Variants in DICER1 observed in about 807,000 individuals in gnomAD.
The protein encoded by DICER1 is endoribonuclease Dicer.
DICER1 carries 43 observed loss-of-function variants against 194.1 expected under a neutral mutation model. That is an observed-to-expected ratio of 0.22 (90% CI 0.17 to 0.29). The LOEUF (loss-of-function observed/expected upper bound fraction) is 0.29, where lower values mean the gene tolerates loss of function less well. Ranked by LOEUF, DICER1 falls within the 10% of genes least tolerant of loss-of-function variation. The probability of loss-of-function intolerance (pLI) is 1.00; values close to 1 mark genes in which losing one functional copy is unlikely to be tolerated. For missense variants in DICER1, 1,608 were observed against 2,317.0 expected, an observed-to-expected ratio of 0.69 and a Z score of 6.28; for synonymous variants, 832 against 820.5, an observed-to-expected ratio of 1.01 and a Z score of -0.24.
At chr14:95,104,944 T>C in intron 20 of DICER1, 127 bp downstream of exon 20, 4 of 915,890 alleles carry the variant, frequency 4.4e-6, no homozygotes, top group Non-Finnish European at 6.9e-6. Flanking sequence ...TGACAAGACA[T>C]AAGATATCCA....
rs1891356787 is a variant in DICER1, at chr14:95,105,712, C to T, written c.3059G>A (p.Arg1020Lys). Residue 1020 changes from arginine (R) to lysine (K), a missense_variant, in exon 19 of 27, where the codon AGG becomes AAG. Physicochemically the swap from Arg to Lys is conservative, Grantham distance 26 (BLOSUM62 2). This residue lies in a region of DICER1 where 79 missense variants were observed against 176.1 expected (regional missense o/e 0.45). Coordinates refer to ENST00000343455, the MANE Select transcript of DICER1 (RefSeq NM_177438.3). The surrounding 1 kb of genome is among the most constrained non-coding windows in gnomAD (Gnocchi z 4.9). ...KALPLSSAEK[R>K]KAKWESLQNK... The stretch of plus-strand genomic sequence containing the variant: ...CTGCAGACTTTCCCATTTGGCTTTC[C>T]TCTTCTCAGCACTGCTTAAAGGAAG... 6.2e-7 allele frequency: 1 copy of T among 1,614,122 alleles called. No homozygotes were observed. The highest frequency in any genetic ancestry group is 8.5e-7 in the Non-Finnish European group (1 of 1,179,960).
intron 3 of DICER1, among the ~76,000 whole-genome samples, chr14:95,132,301 A>G (rs1181287964): frequency 6.6e-6 from 1 of 152,248 alleles, no homozygotes; most frequent in Non-Finnish European, 1.5e-5. Context: ...ATGTTCCAAA[A>G]GCAATCCATT....
At chr14:95,118,398 T>C (rs924062581) in intron 8 of DICER1, among the ~76,000 whole-genome samples, 1 of 152,192 alleles carries the variant, frequency 6.6e-6, no homozygotes, top group African/African-American at 2.4e-5. Context: ...GATGCTTTCT[T>C]GTCCCCAGGC....
Position 95,143,365 on chromosome 14 carries a change from C to A in DICER1, c.-45-9862G>T, listed in dbSNP as rs545429375. Among the ~76,000 whole-genome samples, 70 of 152,188 alleles carry A rather than the reference C, an allele frequency of 4.6e-4. 1 individual carries two copies. Among genetic ancestry groups the A allele is most frequent in the Middle Eastern group, 3.4e-3 (1 of 292 alleles). On this transcript the variant is annotated intron_variant, in intron 1 of 26. Coordinates refer to ENST00000343455, the MANE Select transcript of DICER1 (RefSeq NM_177438.3). ...CTGCTGAAAATAAAAGGGAAGAGGT[C>A]CCTTTCCCCTTTTCTTTTCCAGATT...
chr14:95,104,181 G>A, intron 20 of DICER1, 55 bp from the exon 21 acceptor site: 2 of 1,397,904 alleles, frequency 1.4e-6, no homozygotes, highest in Admixed American at 1.8e-5. Flanking sequence ...GCTAGGCTGA[G>A]AGCAACAGCA....
In DICER1 at chr14:95,105,942, C is replaced by T. The variant is rs1383213157; in HGVS notation, c.2987+99G>A. ...AAAGCATCTCCTGATTTCAGATAGTCCACGGGTGGGCAGGGGGACAGTGAA... is the reference window on the plus strand; with the variant it reads ...AAAGCATCTCCTGATTTCAGATAGTTCACGGGTGGGCAGGGGGACAGTGAA... On this transcript the variant is annotated intron_variant, in intron 18 of 26. Coordinates refer to ENST00000343455, the MANE Select transcript of DICER1 (RefSeq NM_177438.3). This position sits in a 1 kb window ranked among gnomAD's most constrained non-coding sequence, Gnocchi z 4.9. 2 of 1,456,230 alleles carry T rather than the reference C, an allele frequency of 1.4e-6. No homozygotes were observed. The highest frequency in any genetic ancestry group is 9.6e-7 in the Non-Finnish European group (1 of 1,037,110). The allele number at this position is 1,456,230 out of a possible 1,614,324, so 90.2% of individuals were successfully genotyped here. A position where few individuals can be genotyped will look rare whatever the true frequency, so the allele number is the denominator to read the frequency against.
At position 95,104,072 on chromosome 14, in the gene DICER1, G is replaced by A. The variant is rs765205680; in HGVS notation, c.3324C>T (p.Ile1108=). 3.7e-6 allele frequency: 6 copies of A among 1,613,958 alleles called. No individual in the cohort carries two copies. The African/African-American group carries it at 4.0e-5, about 11-fold the overall frequency. Residue 1108 remains isoleucine, a synonymous_variant, in exon 21 of 27, where the codon ATC becomes ATT. Coordinates refer to ENST00000343455, the MANE Select transcript of DICER1 (RefSeq NM_177438.3). ...WKKSIDSKSF[I]SISNSSSAEN... is the part of the protein sequence containing the mutation. ...CAGCTGAAGAGGAGTTAGAAATTGA[G>A]ATGAAAGATTTGCTGTCAATAGATT...
chr14:95,104,069 T>C lies in DICER1; in HGVS notation c.3327A>G (p.Ser1109=). 1 of 1,614,036 alleles carries C rather than the reference T, an allele frequency of 6.2e-7. No individual in the cohort carries two copies. The highest frequency in any genetic ancestry group is 8.5e-7 in the Non-Finnish European group (1 of 1,179,996). The change falls in exon 21 of 27, where the codon TCA becomes TCG. Residue 1109 remains serine (S), a synonymous_variant. Coordinates refer to ENST00000343455, the MANE Select transcript of DICER1 (RefSeq NM_177438.3). ...KKSIDSKSFI[S]ISNSSSAEND... ...TTTCAGCTGAAGAGGAGTTAGAAAT[T>C]GAGATGAAAGATTTGCTGTCAATAG...
rs35463377 is a variant in DICER1 at position 95,089,049 on chromosome 14, C to CAAA, written c.*1446_*1448dup. 5 of 211,738 alleles carry CAAA rather than the reference C, an allele frequency of 2.4e-5. No individual in the cohort carries two copies. Among genetic ancestry groups the CAAA allele is most frequent in the Non-Finnish European group, 3.7e-5 (4 of 109,106 alleles). 13.1% of individuals were successfully genotyped at this position (211,738 alleles called of 1,614,324 possible). The stretch of plus-strand genomic sequence containing the variant: ...ATTAAGAGGTATTATAGTTACAGTG[C>CAAA]AAAAAAAAAAAAATTAAAATTTCAA... On this transcript the variant is annotated 3_prime_UTR_variant, in exon 27 of 27. Coordinates refer to ENST00000343455, the MANE Select transcript of DICER1 (RefSeq NM_177438.3).
chr14:95,099,675 A>G (rs1890677307), intron 22 of DICER1, 105 bp downstream of exon 22: 6 of 1,426,554 alleles, frequency 4.2e-6, no homozygotes, highest in Non-Finnish European at 4.6e-6. Context: ...AAGAAAATGA[A>G]ACAAAAAATT....
chr14:95,104,199 T>A, intron 20 of DICER1, 73 bp from the exon 21 acceptor site: 1 of 1,292,634 alleles, frequency 7.7e-7, no homozygotes, highest in African/African-American at 1.5e-5. Flanking sequence ...GCAATTTGAA[T>A]TTAAAAACAA....
intron 26 of DICER1, 39 bp from the exon 27 acceptor site, chr14:95,090,702 G>T: frequency 6.2e-7 from 1 of 1,610,188 alleles, no homozygotes; most frequent in Non-Finnish European, 8.5e-7. Flanking sequence ...GAAGTCAGAA[G>T]TATTTATTAT....
rs72550780 is a variant in DICER1, at chr14:95,112,329, C to T, written c.2041-82G>A. ...ACATGAAACACCTATGAAACCACTG[C>T]CCCAACATTTTTAAAGTTCAATTTA... On this transcript the variant is annotated intron_variant, in intron 12 of 26. Coordinates refer to ENST00000343455, the MANE Select transcript of DICER1 (RefSeq NM_177438.3). The T allele has an allele frequency of 1.7e-4, 188 of 1,112,524 alleles. No homozygotes were observed. In the African/African-American group the frequency reaches 2.6e-3, roughly 15 times the overall value. 68.9% of individuals were successfully genotyped at this position (1,112,524 alleles called of 1,614,324 possible).
intron 1 of DICER1, among the ~76,000 whole-genome samples, chr14:95,146,111 G>C (rs960687616): frequency 6.6e-6 from 1 of 152,214 alleles, no homozygotes; most frequent in Admixed American, 6.5e-5. Context: ...GCAGACAAAT[G>C]CCTAGGCAGA....
At chr14:95,115,622 G>A (rs1337794219) in intron 11 of DICER1, 45 bp downstream of exon 11, 4 of 1,605,648 alleles carry the variant, frequency 2.5e-6, no homozygotes, top group Non-Finnish European at 3.4e-6. Context: ...GACTTAAACT[G>A]TGCAACATTC....
intron 7 of DICER1, among the ~76,000 whole-genome samples, chr14:95,125,459 G>A (rs1050964418): frequency 1.4e-5 from 2 of 145,118 alleles, no homozygotes; most frequent in African/African-American, 2.6e-5. Context: ...ATTGAGAGCC[G>A]AAAGTCAATC....
intron 1 of DICER1, among the ~76,000 whole-genome samples, chr14:95,146,040 C>T (rs1676570542): frequency 6.6e-6 from 1 of 152,216 alleles, no homozygotes; most frequent in African/African-American, 2.4e-5. Context: ...AAGTTCAATT[C>T]AGCCATTTAA....
intron 14 of DICER1, among the ~76,000 whole-genome samples, chr14:95,110,546 T>A (rs1891866864): frequency 6.6e-6 from 1 of 152,206 alleles, no homozygotes; most frequent in Non-Finnish European, 1.5e-5. Context: ...GTCAACGTTC[T>A]AATGAAACAA....
chr14:95,090,520 T>A lies in DICER1; in HGVS notation c.5747A>T (p.Gln1916Leu). 1 of 1,614,078 alleles carries A rather than the reference T, an allele frequency of 6.2e-7. No individual in the cohort carries two copies. The highest frequency in any genetic ancestry group is 8.5e-7 in the Non-Finnish European group (1 of 1,180,018). Residue 1916 changes from glutamine to leucine, a missense_variant, in exon 27 of 27, where the codon CAA (glutamine) becomes CTA (leucine). This residue lies in a region of DICER1 where 138 missense variants were observed against 298.3 expected (regional missense o/e 0.46). Coordinates refer to ENST00000343455, the MANE Select transcript of DICER1 (RefSeq NM_177438.3). ...GTTTCAGCTATTGGGAACCTGAGGTTGATTAGCTTTGAGGCTTCGGAGGGC... is the reference window on the plus strand; with the variant it reads ...GTTTCAGCTATTGGGAACCTGAGGTAGATTAGCTTTGAGGCTTCGGAGGGC... ...RRALRSLKAN[Q>L]PQVPNS
Sources: gnomAD v4.1 joint callset for allele counts (sites outside exome capture counted in the v4.1 genomes callset) on GRCh38, gnomAD v4.1.1 for gene constraint, gnomAD v4.1.1 regional missense constraint, Gnocchi (gnomAD v3.1) non-coding constraint, MANE v1.5 for transcripts, NCBI Gene and HGNC (gene_info 2026-07-23, HGNC 2026-07-21) for gene names.